HERC2: variants seen among roughly 807,000 people sequenced by gnomAD.
The protein encoded by HERC2 is HECT and RLD domain containing E3 ubiquitin protein ligase 2.
A neutral mutation model predicts 537.7 loss-of-function variants in HERC2; 102 were observed. That is an observed-to-expected ratio of 0.19 (90% CI 0.16 to 0.22). HERC2 has a LOEUF of 0.22. Among genes scored for constraint, HERC2 ranks in the 10% least tolerant of loss-of-function variants. HERC2 has a pLI of 1.00. For synonymous variants in HERC2, 2,224 were observed against 2,466.2 expected (o/e 0.90, Z 2.91); for missense variants, 4,236 against 6,198.2 (o/e 0.68, Z 10.63).
At chr15:28,259,969 C>CAAAAA (rs35995546) in intron 16 of HERC2, among the ~76,000 whole-genome samples, 1 of 67,562 alleles carries the variant, frequency 1.5e-5, no homozygotes, top group East Asian at 3.5e-4. Context: ...CTCCATCTGG[C>CAAAAA]AAAAAAAAAA....
At chr15:28,223,807 T>C (rs1437196375) in intron 35 of HERC2, among the ~76,000 whole-genome samples, 10 of 152,132 alleles carry the variant, frequency 6.6e-5, no homozygotes, top group Non-Finnish European at 1.3e-4. Flanking sequence ...TAGACAGATA[T>C]TCATGAGACA....
At chr15:28,316,222 C>CAA (rs869089875) in intron 2 of HERC2, among the ~76,000 whole-genome samples, 1,048 of 50,050 alleles carry the variant, frequency 0.021, 10 homozygotes, top group East Asian at 0.14. Flanking sequence ...GACTCTGTCT[C>CAA]AAAAAAAAAA....
At chr15:28,144,646 C>A in intron 72 of HERC2, 27 bp downstream of exon 72, 1 of 1,614,156 alleles carries the variant, frequency 6.2e-7, no homozygotes, top group Non-Finnish European at 8.5e-7. Flanking sequence ...GTCATCTAAC[C>A]TTGATCGCCA....
At chr15:28,258,824 GAA>G (rs2140914360) in intron 16 of HERC2, among the ~76,000 whole-genome samples, 1 of 152,070 alleles carries the variant, frequency 6.6e-6, no homozygotes, top group South Asian at 2.1e-4. Context: ...CAACAAAATT[GAA>G]AAACTCTAGG....
At chr15:28,243,191 A>G (rs758334168) in intron 23 of HERC2, among the ~76,000 whole-genome samples, 5 of 152,244 alleles carry the variant, frequency 3.3e-5, no homozygotes, top group Non-Finnish European at 5.9e-5. Context: ...GCACAAAGAC[A>G]CTATGGACAA....
rs567308818 is a variant in HERC2, at chr15:28,287,971, A to G, written c.322+4917T>C. ...GATCTCCTGACATCATGATCCACCC[A>G]CCTCAGCCTCCCAAAGTGCTGGGAT... On this transcript the variant is annotated intron_variant, in intron 4 of 92. Coordinates refer to ENST00000261609, the MANE Select transcript of HERC2 (RefSeq NM_004667.6). 2.0e-5 allele frequency among the ~76,000 whole-genome samples: 3 copies of G among 151,736 alleles called. No homozygotes were observed. In the East Asian group the frequency reaches 5.8e-4, roughly 30 times the overall value.
intron 20 of HERC2, 51 bp downstream of exon 20, chr15:28,254,288 CA>C (rs2075182038): frequency 7.5e-5 from 100 of 1,332,862 alleles, no homozygotes; most frequent in Admixed American, 2.4e-4. Context: ...GTCACACACA[CA>C]AAAAAAAGTA....
At position 28,201,512 on chromosome 15, in the gene HERC2, G is replaced by T. The variant is rs146159039; in HGVS notation, c.7660C>A (p.Arg2554=). Residue 2554 remains arginine (R), a synonymous_variant, in exon 48 of 93, where the codon CGA becomes AGA. Coordinates refer to ENST00000261609, the MANE Select transcript of HERC2 (RefSeq NM_004667.6). ...VVTESQTYKK[R]ADFLSNDDYA... is the part of the protein sequence containing the mutation. ...TCATCATTACTCAAGAAATCAGCTCGTTTTTTGTACGTCTGGCTCTCCGTC... is the reference window on the plus strand; with the variant it reads ...TCATCATTACTCAAGAAATCAGCTCTTTTTTTGTACGTCTGGCTCTCCGTC... 5.4e-5 allele frequency: 87 copies of T among 1,613,540 alleles called. No homozygotes were observed. In the African/African-American group the frequency reaches 1.1e-3, roughly 21 times the overall value.
At chr15:28,182,314 TAG>T in intron 57 of HERC2, 85 bp downstream of exon 57, 1 of 808,328 alleles carries the variant, frequency 1.2e-6, no homozygotes, top group Middle Eastern at 3.5e-4. Context: ...ATACAACATA[TAG>T]AGAGTAAAGT....
intron 78 of HERC2, among the ~76,000 whole-genome samples, chr15:28,137,531 T>A (rs534089933): frequency 6.6e-6 from 1 of 152,360 alleles, no homozygotes; most frequent in Non-Finnish European, 1.5e-5. Flanking sequence ...TTATTTTATC[T>A]GTTATGATGA....
At chr15:28,299,625 T>C (rs2905953) in intron 2 of HERC2, 109 bp from the exon 3 acceptor site, 3 of 631,658 alleles carry the variant, frequency 4.7e-6, no homozygotes, top group East Asian at 2.6e-5. Flanking sequence ...TTCGATCATT[T>C]GGTAATAAAA....
chr15:28,136,986 C>T (rs1282806789), intron 78 of HERC2, among the ~76,000 whole-genome samples: 1 of 150,912 alleles, frequency 6.6e-6, no homozygotes, highest in African/African-American at 2.4e-5. Flanking sequence ...CAAAGATGTG[C>T]AACATTTAGC....
Position 28,113,459 on chromosome 15 carries a change from C to T in HERC2, c.14019+114G>A. 1 of 1,080,692 alleles carries T rather than the reference C, an allele frequency of 9.3e-7. No homozygotes were observed. Among genetic ancestry groups the T allele is most frequent in the Non-Finnish European group, 1.4e-6 (1 of 718,810 alleles). 66.9% of individuals were successfully genotyped at this position (1,080,692 alleles called of 1,614,324 possible). ...CGGGTGGAGGGACGCGCTCAGAGTG[C>T]ACTCCCTTCAGTCAACACACAGGGC... is the stretch of plus-strand genomic sequence containing the variant. On this transcript the variant is annotated intron_variant, in intron 91 of 92. Coordinates refer to ENST00000261609, the MANE Select transcript of HERC2 (RefSeq NM_004667.6). The surrounding 1 kb of genome is among the most constrained non-coding windows in gnomAD (Gnocchi z 7.0).
At chr15:28,301,744 T>C (rs1366351165) in intron 2 of HERC2, among the ~76,000 whole-genome samples, 1 of 84,654 alleles carries the variant, frequency 1.2e-5, no homozygotes, top group Non-Finnish European at 2.0e-5. Flanking sequence ...TGTATATATA[T>C]ATATATATAT....
chr15:28,148,702 C>G (rs1429223373), intron 70 of HERC2, among the ~76,000 whole-genome samples: 1 of 150,750 alleles, frequency 6.6e-6, no homozygotes, highest in African/African-American at 2.4e-5. Flanking sequence ...GGCTTCTAAC[C>G]GAGAACATCA....
At chr15:28,182,631 T>G in intron 56 of HERC2, 119 bp from the exon 57 acceptor site, 1 of 783,166 alleles carries the variant, frequency 1.3e-6, no homozygotes, top group South Asian at 1.9e-5. Flanking sequence ...TTTCAGAAAC[T>G]CTTAAAATTT....
intron 55 of HERC2, chr15:28,190,167 C>T (rs2140258186): frequency 6.7e-6 from 1 of 150,072 alleles, no homozygotes; most frequent in Non-Finnish European, 1.5e-5. Flanking sequence ...TGCCACTACG[C>T]CCGGCTAATT....
chr15:28,190,937 CA>C (rs777009260), intron 55 of HERC2, 27 bp downstream of exon 55: 1 of 1,473,936 alleles, frequency 6.8e-7, no homozygotes. Flanking sequence ...GTAAATCATC[CA>C]AATGGAACAC....
In HERC2 at chr15:28,233,139, T is replaced by C; in HGVS notation, c.4675+7A>G. On this transcript the variant is annotated splice_region_variant and intron_variant, in intron 30 of 92. Transcript: ENST00000261609. ...TAATAGTATCTTCTGTCCTTTTACA[T>C]TCTTACCTCTCTTTTTCCTTCGTTC... 6.2e-7 allele frequency: 1 copy of C among 1,607,228 alleles called. No individual in the cohort carries two copies. The highest frequency in any genetic ancestry group is 2.2e-5 in the East Asian group (1 of 44,860).
Sources: gnomAD v4.1 joint callset for allele counts (sites outside exome capture counted in the v4.1 genomes callset) on GRCh38, gnomAD v4.1.1 for gene constraint, Gnocchi (gnomAD v3.1) non-coding constraint, MANE v1.5 for transcripts, NCBI Gene and HGNC (gene_info 2026-07-23, HGNC 2026-07-21) for gene names.